ADGRG5: variants seen among roughly 807,000 people sequenced by gnomAD.
The protein encoded by ADGRG5 is adhesion G protein-coupled receptor G5, also known as G protein-coupled receptor 114.
In ADGRG5, 37 loss-of-function variants were observed where a neutral mutation model predicts 53.2. The observed-to-expected ratio is 0.70, with a 90% CI of 0.53 to 0.91. The LOEUF is 0.91. Among genes scored for constraint, ADGRG5 ranks in the 40% least tolerant of loss-of-function variants. The pLI is 0.00. For missense variants in ADGRG5, 614 were observed against 675.8 expected (o/e 0.91, Z 1.01); for synonymous variants, 277 against 290.4 (o/e 0.95, Z 0.47).
chr16:57,549,216 G>A (rs2032692516), intron 1 of ADGRG5, among the ~76,000 whole-genome samples: 1 of 152,144 alleles, frequency 6.6e-6, no homozygotes, highest in African/African-American at 2.4e-5. Context: ...TATTCAGAAC[G>A]TAAAGTTCGA....
Position 57,574,192 on chromosome 16 carries a change from G to A in ADGRG5, c.1209-623G>A, listed in dbSNP as rs905291709. On this transcript the variant is annotated intron_variant, in intron 10 of 11. Coordinates refer to ENST00000349457, the MANE Select transcript of ADGRG5 (RefSeq NM_001304376.3). The surrounding 1 kb of genome is among the most constrained non-coding windows in gnomAD (Gnocchi z 4.4). ...GGGCGTGGGACCGGGGCTGGCTTCG[G>A]TTAGTTCTCCATGGCTCTCTGCTCA... Among the ~76,000 whole-genome samples, 2 of 152,226 alleles carry A rather than the reference G, an allele frequency of 1.3e-5. No individual in the cohort carries two copies. Among genetic ancestry groups the A allele is most frequent in the Non-Finnish European group, 2.9e-5 (2 of 68,046 alleles).
In ADGRG5 at chr16:57,554,504, A is replaced by G. The variant is rs567971119; in HGVS notation, c.-38-7552A>G. On this transcript the variant is annotated intron_variant, in intron 1 of 11. Transcript: ENST00000349457. The stretch of plus-strand genomic sequence containing the variant: ...CCATTCTCCTGCTTCAGCCTCCCGA[A>G]TAGCTGGGACTACAGGCACCTGCCA... Among the ~76,000 whole-genome samples the G allele has an allele frequency of 1.9e-4, 29 of 151,798 alleles. No individual in the cohort carries two copies. The East Asian group carries it at 2.3e-3, about 12-fold the overall frequency.
At chr16:57,575,273 C>T (rs1380328945) in intron 11 of ADGRG5, among the ~76,000 whole-genome samples, 165 bp from the exon 12 acceptor site, 2 of 152,172 alleles carry the variant, frequency 1.3e-5, no homozygotes, top group African/African-American at 2.4e-5. Context: ...GGACTGGCCA[C>T]AGCAGCTCTT....
At chr16:57,564,582 G>T (rs563305046) in intron 5 of ADGRG5, among the ~76,000 whole-genome samples, 1 of 152,202 alleles carries the variant, frequency 6.6e-6, no homozygotes, top group Admixed American at 6.5e-5. Context: ...GATTATAGGC[G>T]TGAGCCACTG....
chr16:57,560,145 G>A (rs1469226759), intron 1 of ADGRG5, among the ~76,000 whole-genome samples: 3 of 151,882 alleles, frequency 2.0e-5, no homozygotes, highest in Non-Finnish European at 4.4e-5. Flanking sequence ...TGCTCCCTCC[G>A]GATGGGAAAT....
At chr16:57,567,246 A>G (rs1407416321) in intron 7 of ADGRG5, among the ~76,000 whole-genome samples, 1 of 152,206 alleles carries the variant, frequency 6.6e-6, no homozygotes, top group Non-Finnish European at 1.5e-5. Context: ...CCACAGGTGC[A>G]TAGGGAGTGG....
intron 1 of ADGRG5, among the ~76,000 whole-genome samples, chr16:57,552,602 A>AC (rs1431969406): frequency 1.3e-5 from 2 of 152,144 alleles, no homozygotes; most frequent in Admixed American, 1.3e-4. Flanking sequence ...GCTTAAGGGA[A>AC]CGTTGGCCGG....
intron 1 of ADGRG5, among the ~76,000 whole-genome samples, chr16:57,555,732 GT>G (rs1221920579): frequency 1.3e-5 from 2 of 152,128 alleles, no homozygotes; most frequent in African/African-American, 2.4e-5. Context: ...TTATCCTGAA[GT>G]TTACTTTTTC....
Position 57,570,421 on chromosome 16 carries a change from C to T in ADGRG5, c.1094C>T (p.Ala365Val). The change falls in exon 10 of 12, where the codon GCC (alanine) becomes GTC (valine). Residue 365 changes from alanine to valine, a missense_variant. By Grantham distance (64) the Ala-to-Val change is moderately conservative (BLOSUM62 0). Coordinates refer to ENST00000349457, the MANE Select transcript of ADGRG5 (RefSeq NM_001304376.3). ...VFKLGVLGWG[A>V]PALLVLLSLS... Reference sequence around the variant, plus strand: ...GAGCCTTTGTCCCACCCCTCAGGGGCCCCAGCCCTCCTGGTGCTGCTTTCC... The same window carrying T: ...GAGCCTTTGTCCCACCCCTCAGGGGTCCCAGCCCTCCTGGTGCTGCTTTCC... 1 of 1,610,512 alleles carries T rather than the reference C, an allele frequency of 6.2e-7. No homozygotes were observed.
intron 9 of ADGRG5, among the ~76,000 whole-genome samples, chr16:57,568,335 C>T (rs1415898950): frequency 6.6e-6 from 1 of 151,898 alleles, no homozygotes; most frequent in African/African-American, 2.4e-5. Flanking sequence ...CCTCCTCCAC[C>T]ACCATTATCA....
At chr16:57,561,115 CTTCAGAGG>C (rs2032990742) in intron 1 of ADGRG5, among the ~76,000 whole-genome samples, 1 of 152,214 alleles carries the variant, frequency 6.6e-6, no homozygotes, top group African/African-American at 2.4e-5. Flanking sequence ...TTCATCCCCT[CTTCAGAGG>C]TTACTGATGC....
chr16:57,535,764 T>C, the ADGRG5 span, among the ~76,000 whole-genome samples: 4 of 152,090 alleles, frequency 2.6e-5, no homozygotes, highest in African/African-American at 9.7e-5. Flanking sequence ...GGGCCTCAGT[T>C]TCCTTACCTA....
At chr16:57,535,187 C>T in the ADGRG5 span, among the ~76,000 whole-genome samples, 3 of 152,206 alleles carry the variant, frequency 2.0e-5, no homozygotes, top group Non-Finnish European at 4.4e-5. Context: ...AGACTGCGGG[C>T]ACCTGTCCCT....
intron 1 of ADGRG5, among the ~76,000 whole-genome samples, chr16:57,560,640 C>T (rs2032978359): frequency 6.6e-6 from 1 of 152,188 alleles, no homozygotes; most frequent in Non-Finnish European, 1.5e-5. Context: ...GGTGCATCCT[C>T]TCTCCAGAGA....
the ADGRG5 span, among the ~76,000 whole-genome samples, chr16:57,532,928 G>T: frequency 0.021 from 3,164 of 152,316 alleles, 47 homozygotes; most frequent in Non-Finnish European, 0.03. Flanking sequence ...TGCAGCCGCT[G>T]AACTAGGAGC....
chr16:57,533,810 G>C, the ADGRG5 span, among the ~76,000 whole-genome samples: 1 of 152,200 alleles, frequency 6.6e-6, no homozygotes, highest in African/African-American at 2.4e-5. Flanking sequence ...CAGCAGCGCA[G>C]AGCATGGCTT....
At chr16:57,545,536 T>A (rs1296836759) in intron 1 of ADGRG5, among the ~76,000 whole-genome samples, 1 of 152,152 alleles carries the variant, frequency 6.6e-6, no homozygotes, top group Non-Finnish European at 1.5e-5. Context: ...TAGCTGGGCT[T>A]GGATGTGCCA....
In ADGRG5 at chr16:57,562,338, A is replaced by G. The variant is rs778909187; in HGVS notation, c.65-46A>G. The G allele has an allele frequency of 7.2e-6, 11 of 1,533,038 alleles. No individual in the cohort carries two copies. In the Admixed American group the frequency reaches 1.8e-4, roughly 26 times the overall value. 95.0% of individuals were successfully genotyped at this position (1,533,038 alleles called of 1,614,324 possible). On this transcript the variant is annotated intron_variant, in intron 2 of 11. Transcript: ENST00000349457. The stretch of plus-strand genomic sequence containing the variant: ...TGGAAAGCCCAGAGGTTGTGGGGCC[A>G]GAGGGCAGTTGAGACACAAACTGAG...
the ADGRG5 span, among the ~76,000 whole-genome samples, chr16:57,530,963 G>A: frequency 6.6e-6 from 1 of 151,638 alleles, no homozygotes; most frequent in African/African-American, 2.4e-5. Context: ...TTGCTTCCAC[G>A]TCTTCCTCTC....
Sources: allele counts gnomAD v4.1 joint callset (sites outside exome capture counted in the v4.1 genomes callset), GRCh38; gene constraint gnomAD v4.1.1; non-coding constraint Gnocchi (gnomAD v3.1); transcripts MANE v1.5; gene names NCBI Gene and HGNC (gene_info 2026-07-23, HGNC 2026-07-21).